The following CAPN6 variants were observed in gnomAD, a reference collection of about 807,000 sequenced individuals.
The protein encoded by CAPN6 is calpain-6.
A neutral mutation model predicts 46.0 loss-of-function variants in CAPN6; 16 were observed. That is an observed-to-expected ratio of 0.35 (90% CI 0.24 to 0.53). The LOEUF (loss-of-function observed/expected upper bound fraction) is 0.53, where lower values mean the gene tolerates loss of function less well. Among genes scored for constraint, CAPN6 ranks in the 20% least tolerant of loss-of-function variants. CAPN6 has a pLI of 0.94. For synonymous variants in CAPN6, 206 were observed against 172.8 expected, an observed-to-expected ratio of 1.19 and a Z score of -1.51; for missense variants, 461 against 498.0, an observed-to-expected ratio of 0.93 and a Z score of 0.71.
At chrX:111,247,586 A>T (rs778607897) in intron 11 of CAPN6, 82 bp from the exon 12 acceptor site, 79 of 1,005,518 alleles carry the variant, frequency 7.9e-5, no homozygotes, top group Admixed American at 5.5e-5. Flanking sequence ...CGCTAAGCCA[A>T]TTCTGGGACT....
At chrX:111,247,170 G>T (rs1177170306) in intron 12 of CAPN6, among the ~76,000 whole-genome samples, 198 bp downstream of exon 12, 1 of 111,888 alleles carries the variant, frequency 8.9e-6, no homozygotes, top group Non-Finnish European at 1.9e-5. Flanking sequence ...TTAAATAAAT[G>T]GAAGAGAGGA....
In CAPN6 at chrX:111,246,414, T is replaced by G. The variant is rs1351220116; in HGVS notation, c.*163A>C. The G allele has an allele frequency of 8.5e-6, 4 of 469,671 alleles. No homozygotes were observed. Among genetic ancestry groups the G allele is most frequent in the Non-Finnish European group, 1.4e-5 (4 of 276,579 alleles). 38.7% of individuals were successfully genotyped at this position (469,671 alleles called of 1,213,427 possible). On this transcript the variant is annotated 3_prime_UTR_variant, in exon 13 of 13. Coordinates refer to ENST00000324068, the MANE Select transcript of CAPN6 (RefSeq NM_014289.4). ...GGTATATAGGTTATGTAGCTACAGATGCTACTTGGATTGGGAGGTATGGGG... is the reference window on the plus strand; with the variant it reads ...GGTATATAGGTTATGTAGCTACAGAGGCTACTTGGATTGGGAGGTATGGGG...
Position 111,269,035 on chromosome X carries a change from C to T in CAPN6, c.-16+1336G>A, listed in dbSNP as rs17883801. ...AGAAGTTTTGTTTTTGAATTGCAAG[C>T]TGTCAGAAGGTGAGATGATTTCAAA... On this transcript the variant is annotated intron_variant, in intron 1 of 12. Transcript: ENST00000324068. Among the ~76,000 whole-genome samples the T allele has an allele frequency of 8.9e-3, 1,003 of 112,284 alleles. 6 individuals carry two copies. The highest frequency in any genetic ancestry group is 0.023 in the Middle Eastern group (5 of 218).
chrX:111,261,201 A>G lies in CAPN6; in HGVS notation c.165+2571T>C, dbSNP rs781088771. On this transcript the variant is annotated intron_variant, in intron 2 of 12. Coordinates refer to ENST00000324068, the MANE Select transcript of CAPN6 (RefSeq NM_014289.4). ...CCTGATATGACAGCATGATAGAGTG[A>G]AAACTTATGCAGGCTTTGCAGTCAA... is the stretch of plus-strand genomic sequence containing the variant. Among the ~76,000 whole-genome samples, 3 of 112,821 alleles carry G rather than the reference A, an allele frequency of 2.7e-5. 1 individual carries two copies. Among genetic ancestry groups the G allele is most frequent in the African/African-American group, 9.6e-5 (3 of 31,096 alleles).
intron 1 of CAPN6, among the ~76,000 whole-genome samples, chrX:111,266,886 A>G (rs770517721): frequency 1.6e-4 from 18 of 113,125 alleles, no homozygotes; most frequent in African/African-American, 5.4e-4. Context: ...ATTTATTGCC[A>G]TGGTAGACAT....
chrX:111,249,157 C>T lies in CAPN6; in HGVS notation c.1159-100G>A, dbSNP rs1012496425. On this transcript the variant is annotated intron_variant, in intron 8 of 12. Transcript: ENST00000324068. ...AAAGCTTGTCATTGGGAAGCAGAGC[C>T]TTGAGTTATTTTCTGGGCTTTCATA... 6 of 936,582 alleles carry T rather than the reference C, an allele frequency of 6.4e-6. No homozygotes were observed. In the African/African-American group the frequency reaches 1.2e-4, roughly 18 times the overall value. The allele number at this position is 936,582 out of a possible 1,213,427, so 77.2% of individuals were successfully genotyped here. A position where few individuals can be genotyped will look rare whatever the true frequency, so the allele number is the denominator to read the frequency against.
intron 1 of CAPN6, among the ~76,000 whole-genome samples, chrX:111,265,278 A>C (rs931306149): frequency 2.8e-4 from 32 of 112,480 alleles, no homozygotes; most frequent in African/African-American, 1.0e-3. Flanking sequence ...AAACCATAAC[A>C]ATTTTTAATT....
chrX:111,270,148 A>G (rs904199393), intron 1 of CAPN6, among the ~76,000 whole-genome samples: 12 of 111,603 alleles, frequency 1.1e-4, no homozygotes, highest in African/African-American at 3.6e-4. Context: ...GACAACCACA[A>G]TCATCACCCC....
At position 111,248,696 on chromosome X, in the gene CAPN6, T is replaced by C; in HGVS notation, c.1357A>G (p.Thr453Ala). The stretch of plus-strand genomic sequence containing the variant: ...TACTTGCTCAGAAACACTGTGCGGG[T>C]GTCAATATAGGTGGAAGTCCCAGCA... ...ERAGTSTYID[T>A]RTVFLSKYLK... The change falls in exon 10 of 13, where the codon ACC becomes GCC. Residue 453 changes from threonine (T) to alanine (A), a missense_variant. Transcript: ENST00000324068. 8.3e-7 allele frequency: 1 copy of C among 1,210,374 alleles called. No homozygotes were observed. Among genetic ancestry groups the C allele is most frequent in the Admixed American group, 2.2e-5 (1 of 45,952 alleles).
rs149976759 is a variant in CAPN6, at chrX:111,259,388, A to G, written c.165+4384T>C. On this transcript the variant is annotated intron_variant, in intron 2 of 12. Coordinates refer to ENST00000324068, the MANE Select transcript of CAPN6 (RefSeq NM_014289.4). ...TTCTTGAGCAGACTAGGCCAAAACT[A>G]CTATACCTAGGTGTTGCATTCAGCT... Among the ~76,000 whole-genome samples, 243 of 112,433 alleles carry G rather than the reference A, an allele frequency of 2.2e-3. 1 individual carries two copies. The highest frequency in any genetic ancestry group is 7.3e-3 in the African/African-American group (227 of 30,953).
At chrX:111,247,093 C>A (rs963689308) in intron 12 of CAPN6, among the ~76,000 whole-genome samples, 1 of 111,466 alleles carries the variant, frequency 9.0e-6, no homozygotes, top group Non-Finnish European at 1.9e-5. Context: ...ATAAGCTTTC[C>A]TCCATGGGAT....
At chrX:111,254,460 T>C in intron 2 of CAPN6, 57 bp from the exon 3 acceptor site, 1 of 979,838 alleles carries the variant, frequency 1.0e-6, no homozygotes, top group Non-Finnish European at 1.4e-6. Context: ...CAAGAGTCAC[T>C]GTGAGCTGAA....
In CAPN6 at chrX:111,263,915, A is replaced by G; in HGVS notation, c.22T>C (p.Phe8Leu). Reference protein sequence around the residue: MGPPLKLFKNQKYQELKQ... With the variant: MGPPLKLLKNQKYQELKQ... ...AGTTCCTGGTATTTCTGGTTTTTGA[A>G]GAGCTTCAGAGGAGGACCCATAGTG... Residue 8 changes from phenylalanine (F) to leucine (L), a missense_variant, in exon 2 of 13, where the codon TTC (phenylalanine) becomes CTC (leucine). Transcript: ENST00000324068. The G allele has an allele frequency of 8.3e-7, 1 of 1,206,352 alleles. No individual in the cohort carries two copies. Among genetic ancestry groups the G allele is most frequent in the Non-Finnish European group, 1.1e-6 (1 of 893,018 alleles).
At chrX:111,249,428 G>A (rs1403779501) in intron 8 of CAPN6, among the ~76,000 whole-genome samples, 1 of 110,666 alleles carries the variant, frequency 9.0e-6, no homozygotes, top group Non-Finnish European at 1.9e-5. Flanking sequence ...AATCCATAAA[G>A]ACAGAAAGGT....
At chrX:111,252,952 T>C in intron 4 of CAPN6, 56 bp downstream of exon 4, 1 of 1,005,900 alleles carries the variant, frequency 9.9e-7, no homozygotes. Context: ...CAAAGATAAA[T>C]GTGGCTTTCC....
Position 111,247,409 on chromosome X carries a change from T to G in CAPN6, c.1702A>C (p.Ile568Leu). 8.3e-7 allele frequency: 1 copy of G among 1,208,901 alleles called. No individual in the cohort carries two copies. Among genetic ancestry groups the G allele is most frequent in the South Asian group, 1.8e-5 (1 of 56,748 alleles). ...ATGTCAGTGGTCCTTCTGTAGAAAA[T>G]GGCCTGGGTGTCAAAAATGGCATGA... ...TVHAIFDTQA[I>L]FYRRTTDIPI... The change falls in exon 12 of 13, where the codon ATT becomes CTT. Residue 568 changes from isoleucine to leucine, a missense_variant. Ile to Leu is a conservative substitution (Grantham distance 5). Coordinates refer to ENST00000324068, the MANE Select transcript of CAPN6 (RefSeq NM_014289.4).
chrX:111,249,866 G>C (rs1269919522), intron 8 of CAPN6, among the ~76,000 whole-genome samples: 1 of 94,446 alleles, frequency 1.1e-5, no homozygotes, highest in Non-Finnish European at 2.1e-5. Flanking sequence ...AAGGAGGGAG[G>C]GAAGGAAGGA....
chrX:111,256,982 C>G (rs1256919985), intron 2 of CAPN6, among the ~76,000 whole-genome samples: 2 of 110,147 alleles, frequency 1.8e-5, no homozygotes, highest in Non-Finnish European at 3.8e-5. Flanking sequence ...AATGTCAAAA[C>G]TGGAATGAAT....
chrX:111,256,616 T>G (rs1199843602), intron 2 of CAPN6, among the ~76,000 whole-genome samples: 1 of 111,608 alleles, frequency 9.0e-6, no homozygotes, highest in Non-Finnish European at 1.9e-5. Flanking sequence ...GTATCTAGGC[T>G]TAGCCAACAC....
Sources: allele counts gnomAD v4.1 joint callset (sites outside exome capture counted in the v4.1 genomes callset), GRCh38; gene constraint gnomAD v4.1.1; transcripts MANE v1.5; gene names NCBI Gene and HGNC (gene_info 2026-07-23, HGNC 2026-07-21).